Variants in RCAN2 observed in about 807,000 individuals in gnomAD.
RCAN2 encodes the protein calcipressin-2.
A neutral mutation model predicts 23.6 loss-of-function variants in RCAN2; 9 were observed. The observed-to-expected ratio is 0.38, with a 90% confidence interval of 0.23 to 0.67. The LOEUF (loss-of-function observed/expected upper bound fraction) is 0.67. RCAN2 is among the 30% of genes least tolerant of loss of function. The probability of loss-of-function intolerance (pLI) is 0.51; values close to 1 mark genes in which losing one functional copy is unlikely to be tolerated. For missense variants in RCAN2, 273 were observed against 302.3 expected (o/e 0.90, Z 0.72); for synonymous variants, 109 against 115.7 (o/e 0.94, Z 0.37).
intron 4 of RCAN2, among the ~76,000 whole-genome samples, chr6:46,230,894 T>C (rs929769698): frequency 2.0e-5 from 3 of 152,184 alleles, no homozygotes; most frequent in Non-Finnish European, 4.4e-5. Flanking sequence ...TCTTGGAACC[T>C]CTCTCCAAGG....
chr6:46,230,465 C>T (rs796700182), intron 4 of RCAN2, among the ~76,000 whole-genome samples: 2 of 152,224 alleles, frequency 1.3e-5, no homozygotes, highest in African/African-American at 4.8e-5. Context: ...CTACTCAAGC[C>T]TCAGCAATGG....
At chr6:46,422,398 T>C (rs1468925829) in intron 2 of RCAN2, among the ~76,000 whole-genome samples, 2 of 152,160 alleles carry the variant, frequency 1.3e-5, no homozygotes, top group African/African-American at 4.8e-5. Context: ...CTCTTTTCTT[T>C]ATCAATTATC....
chr6:46,389,775 G>A (rs905380134), intron 2 of RCAN2, among the ~76,000 whole-genome samples: 16 of 152,134 alleles, frequency 1.1e-4, no homozygotes, highest in Admixed American at 3.3e-4. Context: ...ATCCTCCACC[G>A]TCTTTACGGC....
chr6:46,480,717 C>G (rs1768836737), intron 1 of RCAN2, among the ~76,000 whole-genome samples: 1 of 152,116 alleles, frequency 6.6e-6, no homozygotes, highest in African/African-American at 2.4e-5. Context: ...GCTCTGCCTC[C>G]TGGGTTCACG....
chr6:46,224,916 T>C (rs1260862436), intron 4 of RCAN2, among the ~76,000 whole-genome samples: 1 of 152,080 alleles, frequency 6.6e-6, no homozygotes, highest in Non-Finnish European at 1.5e-5. Context: ...TATCTCCTAA[T>C]GCTATCCCTC....
chr6:46,243,823 A>AAAAC (rs1766407214), intron 4 of RCAN2, among the ~76,000 whole-genome samples: 1 of 150,460 alleles, frequency 6.6e-6, no homozygotes, highest in East Asian at 1.9e-4. Flanking sequence ...AAAAAAAAAA[A>AAAAC]AAAAAAAAAC....
chr6:46,305,398 T>C (rs889077157), intron 2 of RCAN2, among the ~76,000 whole-genome samples: 2 of 152,078 alleles, frequency 1.3e-5, no homozygotes, highest in African/African-American at 4.8e-5. Flanking sequence ...TGTCATCACG[T>C]TGGCTCCACT....
intron 2 of RCAN2, among the ~76,000 whole-genome samples, chr6:46,265,211 A>T (rs776033036): frequency 2.0e-5 from 3 of 152,206 alleles, no homozygotes; most frequent in Non-Finnish European, 4.4e-5. Context: ...GCTTCACATA[A>T]GCAGCTCAGA....
intron 2 of RCAN2, among the ~76,000 whole-genome samples, chr6:46,406,806 G>A (rs528087115): frequency 1.3e-5 from 2 of 152,274 alleles, no homozygotes; most frequent in African/African-American, 2.4e-5. Context: ...TTTAATCCCT[G>A]ACATTTTATA....
chr6:46,455,733 G>A (rs1768001510), intron 2 of RCAN2, among the ~76,000 whole-genome samples: 1 of 151,800 alleles, frequency 6.6e-6, no homozygotes, highest in Non-Finnish European at 1.5e-5. Context: ...ATGGGCGCCT[G>A]TAGTCCCAGC....
At chr6:46,450,853 C>T (rs1767857884) in intron 2 of RCAN2, among the ~76,000 whole-genome samples, 1 of 151,934 alleles carries the variant, frequency 6.6e-6, no homozygotes, top group Admixed American at 6.6e-5. Context: ...TATTCTACAA[C>T]ATGGTGACTT....
intron 2 of RCAN2, among the ~76,000 whole-genome samples, chr6:46,282,576 T>C (rs1348837218): frequency 6.6e-6 from 1 of 152,234 alleles, no homozygotes; most frequent in Non-Finnish European, 1.5e-5. Context: ...GATGACCCTC[T>C]ATCTTCATCT....
chr6:46,425,945 C>A (rs148432297), intron 2 of RCAN2, among the ~76,000 whole-genome samples: 245 of 147,814 alleles, frequency 1.7e-3, no homozygotes, highest in African/African-American at 5.8e-3. Context: ...GTCACCCAGG[C>A]CGGAGTGCAG....
intron 2 of RCAN2, among the ~76,000 whole-genome samples, chr6:46,284,527 C>T (rs922390232): frequency 1.3e-5 from 2 of 152,168 alleles, no homozygotes; most frequent in African/African-American, 2.4e-5. Flanking sequence ...TTTGCAGGAG[C>T]TCCCCAGGTG....
chr6:46,226,089 T>C (rs908405755), intron 4 of RCAN2, among the ~76,000 whole-genome samples: 1 of 152,190 alleles, frequency 6.6e-6, no homozygotes, highest in African/African-American at 2.4e-5. Context: ...AAGGATCAGA[T>C]GGTTGTAGAT....
intron 1 of RCAN2, among the ~76,000 whole-genome samples, chr6:46,466,075 C>T (rs12153949): frequency 0.33 from 50,330 of 151,950 alleles, 8,671 homozygotes; most frequent in Middle Eastern, 0.39. Flanking sequence ...TGTGTTCAGA[C>T]GCCCCACCTG....
In RCAN2 at chr6:46,246,212, A is replaced by G. The variant is rs572201187; in HGVS notation, c.571+536T>C. ...GTGAGAATGAGTGAATCAGAGCTAC[A>G]TATGCCAACATCAGAACAAAGTGAC... On this transcript the variant is annotated intron_variant, in intron 4 of 4. Coordinates refer to ENST00000371374, the MANE Select transcript of RCAN2 (RefSeq NM_001251974.2). 3.9e-5 allele frequency among the ~76,000 whole-genome samples: 6 copies of G among 152,308 alleles called. No individual in the cohort carries two copies. In the South Asian group the frequency reaches 1.2e-3, roughly 32 times the overall value.
chr6:46,339,534 A>T (rs1022419473), intron 2 of RCAN2, among the ~76,000 whole-genome samples: 4 of 152,094 alleles, frequency 2.6e-5, no homozygotes, highest in African/African-American at 4.8e-5. Context: ...GTTAGGGATC[A>T]GGGGTGGGAA....
intron 1 of RCAN2, among the ~76,000 whole-genome samples, chr6:46,488,317 C>T (rs1456086395): frequency 6.6e-6 from 1 of 152,164 alleles, no homozygotes; most frequent in Non-Finnish European, 1.5e-5. Flanking sequence ...ACAGTGCCTG[C>T]CTCATAAGGT....
Sources: gnomAD v4.1 joint callset for allele counts (sites outside exome capture counted in the v4.1 genomes callset) on GRCh38, gnomAD v4.1.1 for gene constraint, MANE v1.5 for transcripts, NCBI Gene and HGNC (gene_info 2026-07-23, HGNC 2026-07-21) for gene names.